The following ABCA7 variants were observed in gnomAD, a reference collection of about 807,000 sequenced individuals.
ABCA7 encodes ATP binding cassette subfamily A member 7.
In ABCA7, 261 loss-of-function variants were observed where a neutral mutation model predicts 227.6. The observed-to-expected ratio is 1.15, with a 90% CI of 1.04 to 1.27. The LOEUF (loss-of-function observed/expected upper bound fraction) is 1.27. Ranked by LOEUF, ABCA7 falls within the 50% of genes most tolerant of loss-of-function variation. ABCA7 has a pLI of 0.00. For synonymous variants in ABCA7, 1,488 were observed against 1,279.7 expected, an observed-to-expected ratio of 1.16 and a Z score of -3.47; for missense variants, 3,331 against 2,924.5, an observed-to-expected ratio of 1.14 and a Z score of -3.21.
chr19:1,065,551 G>C lies in ABCA7; in HGVS notation c.*126G>C, dbSNP rs183041583. On this transcript the variant is annotated 3_prime_UTR_variant, in exon 47 of 47. Coordinates refer to ENST00000263094, the MANE Select transcript of ABCA7 (RefSeq NM_019112.4). ...CCTGGAGAAAATAAAGAGAAGGCTG[G>C]AGAGAAGCCGTGGTGGTGAAACCGT... 2.5e-6 allele frequency: 3 copies of C among 1,185,468 alleles called. No homozygotes were observed. The highest frequency in any genetic ancestry group is 3.1e-5 in the African/African-American group (2 of 65,140). 73.4% of individuals were successfully genotyped at this position (1,185,468 alleles called of 1,614,324 possible). A position where few individuals can be genotyped will look rare whatever the true frequency, so the allele number is the denominator to read the frequency against.
At position 1,051,562 on chromosome 19, in the gene ABCA7, G is replaced by A; in HGVS notation, c.2938G>A (p.Glu980Lys). ...TCCTGCTTCCCGCCGCGGTATTTGG[G>A]AGCTGCTGCTCAAATACCGAGAAGG... is the stretch of plus-strand genomic sequence containing the variant. ...VDPASRRGIW[E>K]LLLKYREGRT... The change falls in exon 21 of 47, where the codon GAG becomes AAG. Residue 980 changes from glutamate (E) to lysine (K), a missense_variant. By Grantham distance (56) the Glu-to-Lys change is moderately conservative. Transcript: ENST00000263094. 6.2e-7 allele frequency: 1 copy of A among 1,612,488 alleles called. No individual in the cohort carries two copies. Among genetic ancestry groups the A allele is most frequent in the Non-Finnish European group, 8.5e-7 (1 of 1,179,804 alleles).
intron 44 of ABCA7, 28 bp downstream of exon 44, chr19:1,063,891 G>T: frequency 6.7e-7 from 1 of 1,503,432 alleles, no homozygotes. Context: ...GCCCTGGGCT[G>T]TGGTTAAGGT....
At chr19:1,046,735 C>T in intron 13 of ABCA7, 67 bp from the exon 14 acceptor site, 5 of 1,460,918 alleles carry the variant, frequency 3.4e-6, no homozygotes, top group Non-Finnish European at 4.6e-6. Context: ...CCAGTCGTGC[C>T]AGATGGTGGG....
intron 40 of ABCA7, 79 bp downstream of exon 40, chr19:1,059,164 G>A: frequency 6.6e-7 from 1 of 1,510,516 alleles, no homozygotes. Context: ...ATCCTTTACT[G>A]AACACCTACT....
At position 1,046,462 on chromosome 19, in the gene ABCA7, G is replaced by C. The variant is rs938728490; in HGVS notation, c.1622+56G>C. ...CCGCGGCGGGAAGGTCCCGGGTGTG[G>C]GGGTGGGCCCAGGCTCTGTTGGGAA... On this transcript the variant is annotated intron_variant, in intron 13 of 46. Transcript: ENST00000263094. 24 of 1,509,530 alleles carry C rather than the reference G, an allele frequency of 1.6e-5. No homozygotes were observed. In the South Asian group the frequency reaches 3.0e-4, roughly 19 times the overall value. 93.5% of individuals were successfully genotyped at this position (1,509,530 alleles called of 1,614,324 possible).
At chr19:1,043,665 G>T in intron 9 of ABCA7, 60 bp from the exon 10 acceptor site, 1 of 1,571,446 alleles carries the variant, frequency 6.4e-7, no homozygotes, top group South Asian at 1.1e-5. Context: ...AGGGGGCAGG[G>T]GGTGGGCAGG....
intron 37 of ABCA7, 128 bp downstream of exon 37, chr19:1,058,397 A>G: frequency 3.4e-6 from 5 of 1,464,898 alleles, no homozygotes; most frequent in Non-Finnish European, 4.5e-6. Context: ...AGGTGGCCCT[A>G]AGGTTGGGCC....
At chr19:1,050,882 T>A (rs766768346) in intron 18 of ABCA7, 39 bp from the exon 19 acceptor site, 1 of 1,485,314 alleles carries the variant, frequency 6.7e-7, no homozygotes, top group Non-Finnish European at 9.0e-7. Flanking sequence ...GCCAGTGCAC[T>A]CTGTGAAGGG....
Position 1,058,071 on chromosome 19 carries a change from C to G in ABCA7, c.5025+12C>G. 6.2e-7 allele frequency: 1 copy of G among 1,614,000 alleles called. No individual in the cohort carries two copies. The highest frequency in any genetic ancestry group is 1.3e-5 in the African/African-American group (1 of 75,038). On this transcript the variant is annotated intron_variant, in intron 36 of 46. Coordinates refer to ENST00000263094, the MANE Select transcript of ABCA7 (RefSeq NM_019112.4). ...TCTTCTCTGATCAGGTGGGGCACCACGAGGCTGGGGCTTGGGCTGGGTTGG... is the reference window on the plus strand; with the variant it reads ...TCTTCTCTGATCAGGTGGGGCACCAGGAGGCTGGGGCTTGGGCTGGGTTGG...
rs745658783 is a variant in ABCA7, at chr19:1,056,118, G to T, written c.4291G>T (p.Glu1431Ter). ...AGACCCAGGCCTGCCCTCGGGCCAA[G>T]AGTTGGGCCGCTCAGTGGAGGAGTT... ...GRDPGLPSGQ[E>*]LGRSVEELWA... The change falls in exon 32 of 47, where the codon GAG (glutamate) becomes TAG (stop). Residue 1431 changes from glutamate (E) to a stop codon, truncating the protein, a stop_gained. Transcript: ENST00000263094. LOFTEE classifies it high-confidence loss of function. The surrounding 1 kb of genome is among the most constrained non-coding windows in gnomAD (Gnocchi z 4.3). 2 of 1,609,292 alleles carry T rather than the reference G, an allele frequency of 1.2e-6. No individual in the cohort carries two copies. The highest frequency in any genetic ancestry group is 4.5e-5 in the East Asian group (2 of 44,834).
rs981604442 is a variant in ABCA7 at position 1,045,315 on chromosome 19, T to C, written c.1445+84T>C. On this transcript the variant is annotated intron_variant, in intron 12 of 46. Transcript: ENST00000263094. ...GTGGGGCCAGGCAGCATTCAGCCTA[T>C]TGGAGACCATGATAGACAGGATCTG... is the stretch of plus-strand genomic sequence containing the variant. 3 of 1,284,960 alleles carry C rather than the reference T, an allele frequency of 2.3e-6. No homozygotes were observed. In the African/African-American group the frequency reaches 4.4e-5, roughly 19 times the overall value. 79.6% of individuals were successfully genotyped at this position (1,284,960 alleles called of 1,614,324 possible).
At chr19:1,047,783 C>T in intron 16 of ABCA7, 129 bp downstream of exon 16, 2 of 1,076,520 alleles carry the variant, frequency 1.9e-6, no homozygotes, top group Non-Finnish European at 2.6e-6. Flanking sequence ...GGCGGGGCTT[C>T]TTGGCACACG....
chr19:1,064,841 C>T (rs369276510), intron 45 of ABCA7, 90 bp from the exon 46 acceptor site: 213 of 1,449,220 alleles, frequency 1.5e-4, no homozygotes, highest in Non-Finnish European at 1.8e-4. Context: ...AAGTATGGGG[C>T]GGGGCCAGAG....
chr19:1,050,246 T>G (rs1461849250), intron 18 of ABCA7, among the ~76,000 whole-genome samples: 1 of 151,148 alleles, frequency 6.6e-6, no homozygotes. Flanking sequence ...CCATCTCTAC[T>G]AAAAATACAA....
rs1568415440 is a variant in ABCA7 at position 1,061,783 on chromosome 19, G to A, written c.5465G>A (p.Cys1822Tyr). Residue 1822 changes from cysteine to tyrosine, a missense_variant and splice_region_variant, in exon 41 of 47, where the codon TGT (cysteine) becomes TAT (tyrosine). Transcript: ENST00000263094. ...RLCLGIPPGE[C>Y]FGLLGVNGAG... ...CACCATCTGTGGGCATCCCTGTAGTGTTTTGGGCTGCTGGGTGTGAATGGA... is the reference window on the plus strand; with the variant it reads ...CACCATCTGTGGGCATCCCTGTAGTATTTTGGGCTGCTGGGTGTGAATGGA... The A allele has an allele frequency of 6.2e-7, 1 of 1,613,128 alleles. No homozygotes were observed. The highest frequency in any genetic ancestry group is 1.7e-5 in the Admixed American group (1 of 59,918).
chr19:1,042,282 C>G, intron 5 of ABCA7, 33 bp from the exon 6 acceptor site: 1 of 1,578,026 alleles, frequency 6.3e-7, no homozygotes, highest in Non-Finnish European at 8.6e-7. Flanking sequence ...CAACGTCCCC[C>G]CAGCCCCATG....
At position 1,063,862 on chromosome 19, in the gene ABCA7, A is replaced by T; in HGVS notation, c.5950A>T (p.Ser1984Cys). The T allele has an allele frequency of 1.3e-6, 2 of 1,531,204 alleles. No homozygotes were observed. Among genetic ancestry groups the T allele is most frequent in the South Asian group, 2.4e-5 (2 of 83,574 alleles). The allele number at this position is 1,531,204 out of a possible 1,614,324, so 94.9% of individuals were successfully genotyped here. A position where few individuals can be genotyped will look rare whatever the true frequency, so the allele number is the denominator to read the frequency against. Residue 1984 changes from serine (S) to cysteine (C), a missense_variant and splice_region_variant, in exon 44 of 47, where the codon AGC becomes TGC. Coordinates refer to ENST00000263094, the MANE Select transcript of ABCA7 (RefSeq NM_019112.4). ...CCGTTCAGTGATGCTCACCTCCCATAGGTGGGCCGGGCTCTGATGCCCTGG... is the reference window on the plus strand; with the variant it reads ...CCGTTCAGTGATGCTCACCTCCCATTGGTGGGCCGGGCTCTGATGCCCTGG... ...EGRSVMLTSH[S>C]MEECEALCSR...
Position 1,056,111 on chromosome 19 carries a change from G to A in ABCA7, c.4284G>A (p.Ser1428=), listed in dbSNP as rs371395251. 228 of 1,606,612 alleles carry A rather than the reference G, an allele frequency of 1.4e-4. 1 individual carries two copies. Among genetic ancestry groups the A allele is most frequent in the Non-Finnish European group, 1.8e-4 (208 of 1,176,716 alleles). The change falls in exon 32 of 47, where the codon TCG becomes TCA. Residue 1428 remains serine (S), a synonymous_variant. Transcript: ENST00000263094. The surrounding 1 kb of genome is among the most constrained non-coding windows in gnomAD (Gnocchi z 4.3). ...SLGGRDPGLP[S]GQELGRSVEE... The stretch of plus-strand genomic sequence containing the variant: ...GGGGCCGAGACCCAGGCCTGCCCTC[G>A]GGCCAAGAGTTGGGCCGCTCAGTGG...
Position 1,049,414 on chromosome 19 carries a change from C to CG in ABCA7, c.2533dup (p.Ala845GlyfsTer50). The stretch of plus-strand genomic sequence containing the variant: ...ACATCACCGCCTTCCTGGGCCACAA[C>CG]GGGGCCGGCAAGACCACCACCCTGT... On this transcript the variant is annotated frameshift_variant, in exon 18 of 47. Transcript: ENST00000263094. LOFTEE classifies it high-confidence loss of function. The CG allele has an allele frequency of 6.2e-7, 1 of 1,607,814 alleles. No individual in the cohort carries two copies. The highest frequency in any genetic ancestry group is 1.3e-5 in the African/African-American group (1 of 74,750).
Sources: gnomAD v4.1 joint callset for allele counts (sites outside exome capture counted in the v4.1 genomes callset) on GRCh38, gnomAD v4.1.1 for gene constraint, Gnocchi (gnomAD v3.1) non-coding constraint, MANE v1.5 for transcripts, NCBI Gene and HGNC (gene_info 2026-07-23, HGNC 2026-07-21) for gene names.